Variants in LETM1 observed in about 807,000 individuals in gnomAD.
LETM1 encodes the protein mitochondrial proton/calcium exchanger protein.
LETM1 carries 50 observed loss-of-function variants against 74.5 expected under a neutral mutation model. The observed-to-expected ratio is 0.67, with a 90% confidence interval of 0.53 to 0.85. The LOEUF is 0.85. Ranked by LOEUF, LETM1 falls within the 40% of genes least tolerant of loss-of-function variation. The pLI is 0.00. For missense variants in LETM1, 824 were observed against 967.8 expected (o/e 0.85, Z 1.97); for synonymous variants, 446 against 407.1 (o/e 1.10, Z -1.15).
rs1272540416 is a variant in LETM1, at chr4:1,813,244, C to G, written c.*1180G>C. 1 of 152,390 alleles carries G rather than the reference C, an allele frequency of 6.6e-6. No individual in the cohort carries two copies. Among genetic ancestry groups the G allele is most frequent in the African/African-American group, 2.4e-5 (1 of 41,458 alleles). The allele number at this position is 152,390 out of a possible 1,614,324, so 9.4% of individuals were successfully genotyped here. The stretch of plus-strand genomic sequence containing the variant: ...GGCATTGTCTGAGTGCAGCTGCTTT[C>G]CTGGACGCCTGTGCCGTTCCTGTCT... On this transcript the variant is annotated 3_prime_UTR_variant, in exon 14 of 14. Coordinates refer to ENST00000302787, the MANE Select transcript of LETM1 (RefSeq NM_012318.3).
intron 2 of LETM1, among the ~76,000 whole-genome samples, chr4:1,848,586 C>A (rs1308113999): frequency 6.6e-6 from 1 of 150,428 alleles, no homozygotes; most frequent in Non-Finnish European, 1.5e-5. Flanking sequence ...CGCAGTGAGG[C>A]ATGCCTGCAA....
Position 1,855,968 on chromosome 4 carries a change from C to T in LETM1, c.-18G>A, listed in dbSNP as rs989260850. 1.7e-6 allele frequency: 2 copies of T among 1,206,036 alleles called. No individual in the cohort carries two copies. The highest frequency in any genetic ancestry group is 1.0e-6 in the Non-Finnish European group (1 of 971,138). The allele number at this position is 1,206,036 out of a possible 1,614,324, so 74.7% of individuals were successfully genotyped here. ...GACGCCATGTGCTCGGGCGCGGCGGCCGCTCCGGCCTCCTGCGCTGCCTCC... is the reference window on the plus strand; with the variant it reads ...GACGCCATGTGCTCGGGCGCGGCGGTCGCTCCGGCCTCCTGCGCTGCCTCC... On this transcript the variant is annotated 5_prime_UTR_variant, in exon 1 of 14. Coordinates refer to ENST00000302787, the MANE Select transcript of LETM1 (RefSeq NM_012318.3).
Position 1,813,913 on chromosome 4 carries a change from G to C in LETM1, c.*511C>G, listed in dbSNP as rs1722537908. 6.1e-6 allele frequency: 1 copy of C among 162,982 alleles called. No homozygotes were observed. Among genetic ancestry groups the C allele is most frequent in the Admixed American group, 5.6e-5 (1 of 17,710 alleles). The allele number at this position is 162,982 out of a possible 1,614,324, so 10.1% of individuals were successfully genotyped here. On this transcript the variant is annotated 3_prime_UTR_variant, in exon 14 of 14. Coordinates refer to ENST00000302787, the MANE Select transcript of LETM1 (RefSeq NM_012318.3). ...CACAATGACCCACATCCAACTGAAA[G>C]TGTGCAGGAAGACAGGTCTATTGAC...
At chr4:1,815,062 G>C in intron 13 of LETM1, among the ~76,000 whole-genome samples, 1 of 152,338 alleles carries the variant, frequency 6.6e-6, no homozygotes, top group African/African-American at 2.4e-5. Context: ...CGGGAGCCAC[G>C]AGGCAGCTTC....
At chr4:1,847,326 C>T (rs144906217) in intron 2 of LETM1, among the ~76,000 whole-genome samples, 76 of 146,410 alleles carry the variant, frequency 5.2e-4, no homozygotes, top group Non-Finnish European at 9.5e-4. Context: ...GGGCAATGAA[C>T]AGAATGAGAT....
chr4:1,844,854 C>G (rs1318338172), intron 2 of LETM1, among the ~76,000 whole-genome samples: 1 of 146,848 alleles, frequency 6.8e-6, no homozygotes, highest in Non-Finnish European at 1.5e-5. Flanking sequence ...TCGAACCCAG[C>G]CTGGGCAACA....
rs561738898 is a variant in LETM1, at chr4:1,852,112, C to T, written c.83-2903G>A. Among the ~76,000 whole-genome samples the T allele has an allele frequency of 2.6e-5, 4 of 152,166 alleles. No individual in the cohort carries two copies. The South Asian group carries it at 8.3e-4, about 32-fold the overall frequency. ...CAATTTAATTCCATACTGACACTAC[C>T]CAGAGTTAGTGCAGACCTCACAGGG... On this transcript the variant is annotated intron_variant, in intron 1 of 13. Coordinates refer to ENST00000302787, the MANE Select transcript of LETM1 (RefSeq NM_012318.3).
chr4:1,831,401 G>A (rs1712263804), intron 6 of LETM1, among the ~76,000 whole-genome samples: 1 of 152,232 alleles, frequency 6.6e-6, no homozygotes, highest in Non-Finnish European at 1.5e-5. Flanking sequence ...GTCTCCCCCA[G>A]TAGGAGGGCA....
chr4:1,843,273 G>C (rs1261358716), intron 2 of LETM1: 1 of 152,620 alleles, frequency 6.6e-6, no homozygotes, highest in Admixed American at 6.5e-5. Flanking sequence ...CACCAACGAC[G>C]TGGCTCTCGT....
intron 6 of LETM1, among the ~76,000 whole-genome samples, chr4:1,826,871 A>G (rs549466732): frequency 6.6e-6 from 1 of 152,286 alleles, no homozygotes; most frequent in East Asian, 1.9e-4. Context: ...ACGATACACA[A>G]TCCACGGACG....
At chr4:1,842,597 T>A (rs1455245324) in intron 2 of LETM1, among the ~76,000 whole-genome samples, 1 of 152,198 alleles carries the variant, frequency 6.6e-6, no homozygotes, top group East Asian at 1.9e-4. Context: ...GCACCACATT[T>A]GCTTTCTCCC....
rs541732174 is a variant in LETM1 at position 1,833,249 on chromosome 4, T to C, written c.877-302A>G. 1.3e-4 allele frequency: 47 copies of C among 375,008 alleles called. 1 individual carries two copies. The highest frequency in any genetic ancestry group is 1.1e-3 in the South Asian group (45 of 40,224). The allele number at this position is 375,008 out of a possible 1,614,324, so 23.2% of individuals were successfully genotyped here. A position where few individuals can be genotyped will look rare whatever the true frequency, so the allele number is the denominator to read the frequency against. The stretch of plus-strand genomic sequence containing the variant: ...CCACACCCAGCTAATTTTTGTATTT[T>C]AGTAGAGATGGGATTTCACTATGTT... On this transcript the variant is annotated intron_variant, in intron 5 of 13. Transcript: ENST00000302787.
At chr4:1,841,861 C>T (rs1177724321) in intron 2 of LETM1, 64 bp from the exon 3 acceptor site, 19 of 1,209,356 alleles carry the variant, frequency 1.6e-5, no homozygotes, top group East Asian at 7.6e-5. Flanking sequence ...AGCTCAGCAC[C>T]GAACACCAAC....
At position 1,834,739 on chromosome 4, in the gene LETM1, G is replaced by A; in HGVS notation, c.876+106C>T. On this transcript the variant is annotated intron_variant, in intron 5 of 13. Transcript: ENST00000302787. The surrounding 1 kb of genome is among the most constrained non-coding windows in gnomAD (Gnocchi z 5.0). ...CTCCTGGGTAAACTTTCAAGCGCCA[G>A]CCAGCACCTGGGGGAGCTCCACTCT... 6.5e-7 allele frequency: 1 copy of A among 1,536,248 alleles called. No homozygotes were observed. Among genetic ancestry groups the A allele is most frequent in the African/African-American group, 1.4e-5 (1 of 72,720 alleles).
intron 3 of LETM1, among the ~76,000 whole-genome samples, chr4:1,841,094 A>G (rs1346761928): frequency 6.6e-6 from 1 of 152,226 alleles, no homozygotes; most frequent in Non-Finnish European, 1.5e-5. Context: ...TCACACCTGT[A>G]ATCCCAACAC....
Position 1,822,464 on chromosome 4 carries a change from G to A in LETM1, c.1477-152C>T, listed in dbSNP as rs567898115. 12 of 880,310 alleles carry A rather than the reference G, an allele frequency of 1.4e-5. No individual in the cohort carries two copies. In the Admixed American group the frequency reaches 2.5e-4, roughly 18 times the overall value. 54.5% of individuals were successfully genotyped at this position (880,310 alleles called of 1,614,324 possible). A position where few individuals can be genotyped will look rare whatever the true frequency, so the allele number is the denominator to read the frequency against. On this transcript the variant is annotated intron_variant, in intron 9 of 13. Coordinates refer to ENST00000302787, the MANE Select transcript of LETM1 (RefSeq NM_012318.3). ...ACACCTGCCACAGAAGGTCCCTAGG[G>A]AGGCTCCATGCAGCTGCCAGGTCAC...
intron 1 of LETM1, among the ~76,000 whole-genome samples, chr4:1,850,572 G>T (rs1241182435): frequency 6.6e-6 from 1 of 151,576 alleles, no homozygotes; most frequent in Non-Finnish European, 1.5e-5. Flanking sequence ...GAACCCGGGA[G>T]GCGGAGCTTG....
intron 3 of LETM1, among the ~76,000 whole-genome samples, chr4:1,839,510 G>A (rs1712611500): frequency 6.6e-6 from 1 of 152,238 alleles, no homozygotes. Flanking sequence ...TGAAGCAGGA[G>A]CAGACGGTGT....
In LETM1 at chr4:1,834,304, T is replaced by G; in HGVS notation, c.876+541A>C. On this transcript the variant is annotated intron_variant, in intron 5 of 13. Coordinates refer to ENST00000302787, the MANE Select transcript of LETM1 (RefSeq NM_012318.3). The surrounding 1 kb of genome is among the most constrained non-coding windows in gnomAD (Gnocchi z 5.0). ...CCTCAAGCCAACAACACCGGCCTCG[T>G]GAACCCCATCTAGTCCTCAGGGATC... 3.7e-6 allele frequency: 3 copies of G among 816,016 alleles called. No individual in the cohort carries two copies. The highest frequency in any genetic ancestry group is 4.4e-6 in the Non-Finnish European group (3 of 674,694). 50.5% of individuals were successfully genotyped at this position (816,016 alleles called of 1,614,324 possible).
Sources: allele counts gnomAD v4.1 joint callset (sites outside exome capture counted in the v4.1 genomes callset), GRCh38; gene constraint gnomAD v4.1.1; non-coding constraint Gnocchi (gnomAD v3.1); transcripts MANE v1.5; gene names NCBI Gene and HGNC (gene_info 2026-07-23, HGNC 2026-07-21).